FNIP1: variants seen among roughly 807,000 people sequenced by gnomAD.
The protein encoded by FNIP1 is folliculin-interacting protein 1.
In FNIP1, 40 loss-of-function variants were observed where a neutral mutation model predicts 124.5. The observed-to-expected ratio is 0.32, with a 90% CI of 0.25 to 0.42. The LOEUF is 0.42. Among genes scored for constraint, FNIP1 ranks in the 10% least tolerant of loss-of-function variants. The pLI is 1.00. For missense variants in FNIP1, 1,176 were observed against 1,403.7 expected (o/e 0.84, Z 2.59); for synonymous variants, 472 against 470.6 (o/e 1.00, Z -0.04).
intron 1 of FNIP1, among the ~76,000 whole-genome samples, chr5:131,767,066 T>A (rs1771449827): frequency 1.3e-5 from 2 of 152,124 alleles, no homozygotes. Flanking sequence ...AGACCTAACA[T>A]TAACCACTAC....
chr5:131,795,399 T>TG (rs1378692430), intron 1 of FNIP1, among the ~76,000 whole-genome samples: 1 of 152,210 alleles, frequency 6.6e-6, no homozygotes, highest in African/African-American at 2.4e-5. Context: ...ATGAGTGACT[T>TG]GAGAGCCTTG....
At chr5:131,785,102 TATATATATATC>T (rs1262180484) in intron 1 of FNIP1, among the ~76,000 whole-genome samples, 292 of 20,994 alleles carry the variant, frequency 0.014, 16 homozygotes, top group African/African-American at 0.039. Flanking sequence ...TATATATGAC[TATATATATATC>T]ATATATATGA....
At chr5:131,660,149 A>C (rs1369369819) in intron 15 of FNIP1, among the ~76,000 whole-genome samples, 1 of 151,586 alleles carries the variant, frequency 6.6e-6, no homozygotes, top group African/African-American at 2.4e-5. Context: ...TGGGCGGCAG[A>C]GTGGTGAGGG....
chr5:131,664,969 T>C (rs1767552457), intron 15 of FNIP1, among the ~76,000 whole-genome samples: 1 of 151,482 alleles, frequency 6.6e-6, no homozygotes, highest in Non-Finnish European at 1.5e-5. Flanking sequence ...TGCTTGTGTA[T>C]TTATCTGTGT....
intron 1 of FNIP1, among the ~76,000 whole-genome samples, chr5:131,752,169 G>A (rs1211738145): frequency 6.6e-6 from 1 of 151,836 alleles, no homozygotes; most frequent in East Asian, 1.9e-4. Flanking sequence ...TCAGCCTCCC[G>A]AGTAGCTGGG....
intron 10 of FNIP1, among the ~76,000 whole-genome samples, chr5:131,700,729 A>C (rs1050191007): frequency 2.6e-4 from 39 of 151,432 alleles, no homozygotes; most frequent in African/African-American, 9.6e-4. Flanking sequence ...CAAAATCCAT[A>C]GCTTTTATTT....
chr5:131,706,235 A>G (rs1013028052), intron 9 of FNIP1, among the ~76,000 whole-genome samples, 176 bp downstream of exon 9: 2 of 152,238 alleles, frequency 1.3e-5, no homozygotes, highest in Non-Finnish European at 2.9e-5. Flanking sequence ...AAAAATGGTT[A>G]AAATTGTAAC....
chr5:131,687,905 A>C (rs1010395235), intron 11 of FNIP1, among the ~76,000 whole-genome samples: 8 of 152,192 alleles, frequency 5.3e-5, no homozygotes, highest in African/African-American at 1.9e-4. Flanking sequence ...GTAGTGACAA[A>C]GTAACAGTTT....
intron 15 of FNIP1, among the ~76,000 whole-genome samples, chr5:131,658,716 G>C (rs10478987): frequency 0.018 from 2,746 of 152,036 alleles, 58 homozygotes; most frequent in African/African-American, 0.048. Flanking sequence ...TCCTTAGAGA[G>C]AAATGGGGTG....
chr5:131,730,897 A>T lies in FNIP1; in HGVS notation c.354+7T>A. 1 of 1,593,148 alleles carries T rather than the reference A, an allele frequency of 6.3e-7. No individual in the cohort carries two copies. The highest frequency in any genetic ancestry group is 8.5e-7 in the Non-Finnish European group (1 of 1,170,636). ...AATGAATAAATAAATGACATCAATG[A>T]TCTTACCTGGTACTTAAGACACTGG... On this transcript the variant is annotated splice_region_variant and intron_variant, in intron 3 of 17. Transcript: ENST00000510461.
chr5:131,737,552 C>T (rs1028527750), intron 2 of FNIP1, among the ~76,000 whole-genome samples: 3 of 152,150 alleles, frequency 2.0e-5, no homozygotes, highest in Admixed American at 1.3e-4. Flanking sequence ...CTTAAAATAT[C>T]ACTTTCTTGA....
chr5:131,678,605 G>A (rs910403095), intron 12 of FNIP1, among the ~76,000 whole-genome samples: 1 of 40,434 alleles, frequency 2.5e-5, no homozygotes, highest in African/African-American at 1.1e-4. Context: ...TAGAGACAGG[G>A]TTTCACCGTG....
At chr5:131,761,092 G>GA in intron 1 of FNIP1, among the ~76,000 whole-genome samples, 1 of 152,268 alleles carries the variant, frequency 6.6e-6, no homozygotes, top group South Asian at 2.1e-4. Context: ...AAAAACCTCT[G>GA]AATAGATTTT....
intron 15 of FNIP1, among the ~76,000 whole-genome samples, chr5:131,664,923 C>T (rs911266969): frequency 1.3e-5 from 2 of 150,104 alleles, no homozygotes; most frequent in South Asian, 2.1e-4. Context: ...AAAAGATATG[C>T]TTGTGTATAT....
rs768921815 is a variant in FNIP1, at chr5:131,671,788, T to G, written c.2656A>C (p.Lys886Gln). 23 of 1,613,986 alleles carry G rather than the reference T, an allele frequency of 1.4e-5. No homozygotes were observed. The highest frequency in any genetic ancestry group is 1.8e-5 in the Non-Finnish European group (21 of 1,180,028). ...TCTTGGGGAACTGTTTCTATACATT[T>G]ACAAAATTCATTGTTCTGCTTGTTA... is the stretch of plus-strand genomic sequence containing the variant. ...KNNKQNNEFCKCIETVPQDSC... is the reference protein window; with the variant it reads ...KNNKQNNEFCQCIETVPQDSC... Residue 886 changes from lysine to glutamine, a missense_variant, in exon 14 of 18, where the codon AAA becomes CAA. By Grantham distance (53) the Lys-to-Gln change is moderately conservative (BLOSUM62 1). Around this residue, in one of 2 missense-constraint regions of FNIP1, gnomAD observed 1,109 missense variants for 1,288.5 expected, o/e 0.86. Coordinates refer to ENST00000510461, the MANE Select transcript of FNIP1 (RefSeq NM_133372.3).
At chr5:131,748,929 G>A (rs1288766983) in intron 1 of FNIP1, among the ~76,000 whole-genome samples, 1 of 152,028 alleles carries the variant, frequency 6.6e-6, no homozygotes, top group East Asian at 1.9e-4. Flanking sequence ...ATGTGGAGAT[G>A]GAAGATAGTG....
At chr5:131,652,140 G>A (rs539571381) in intron 15 of FNIP1, 141 bp from the exon 16 acceptor site, 1 of 704,022 alleles carries the variant, frequency 1.4e-6, no homozygotes, top group Non-Finnish European at 2.3e-6. Flanking sequence ...TGACCAAGAA[G>A]AATAATTAAC....
intron 2 of FNIP1, among the ~76,000 whole-genome samples, chr5:131,742,130 T>C (rs1770531679): frequency 6.6e-6 from 1 of 152,192 alleles, no homozygotes. Context: ...ATGGCGACAT[T>C]ATGTTCTAAT....
chr5:131,646,316 C>T (rs571990090), intron 17 of FNIP1, among the ~76,000 whole-genome samples: 23 of 152,240 alleles, frequency 1.5e-4, no homozygotes, highest in South Asian at 6.2e-4. Flanking sequence ...TCATCTGTTT[C>T]CAACCTGGAT....
Sources: gnomAD v4.1 joint callset for allele counts (sites outside exome capture counted in the v4.1 genomes callset) on GRCh38, gnomAD v4.1.1 for gene constraint, gnomAD v4.1.1 regional missense constraint, MANE v1.5 for transcripts, NCBI Gene and HGNC (gene_info 2026-07-23, HGNC 2026-07-21) for gene names.